DSCAM: variants seen among roughly 807,000 people sequenced by gnomAD.
The protein encoded by DSCAM is DS cell adhesion molecule, also known as cell adhesion molecule DSCAM.
DSCAM carries 47 observed loss-of-function variants against 217.7 expected under a neutral mutation model. That is an observed-to-expected ratio of 0.22 (90% CI 0.17 to 0.28). The LOEUF (loss-of-function observed/expected upper bound fraction) is 0.28, where lower values mean the gene tolerates loss of function less well. DSCAM is among the 10% of genes least tolerant of loss of function. The probability of loss-of-function intolerance (pLI) is 1.00; values close to 1 mark genes in which losing one functional copy is unlikely to be tolerated. For missense variants in DSCAM, 2,080 were observed against 2,618.3 expected, an observed-to-expected ratio of 0.79 and a Z score of 4.49; for synonymous variants, 1,056 against 1,015.3, an observed-to-expected ratio of 1.04 and a Z score of -0.76.
At chr21:40,518,528 T>TACA (rs200999198) in intron 3 of DSCAM, among the ~76,000 whole-genome samples, 1 of 39,100 alleles carries the variant, frequency 2.6e-5, no homozygotes, top group African/African-American at 1.9e-4. Flanking sequence ...AATATATATT[T>TACA]TATATATATA....
At chr21:40,365,660 G>C (rs1196418330) in intron 4 of DSCAM, among the ~76,000 whole-genome samples, 2 of 152,094 alleles carry the variant, frequency 1.3e-5, no homozygotes, top group African/African-American at 4.8e-5. Context: ...TTTCAGAAGA[G>C]TTGCTCATCT....
chr21:40,577,227 C>A (rs2076858542), intron 3 of DSCAM, among the ~76,000 whole-genome samples: 2 of 134,984 alleles, frequency 1.5e-5, no homozygotes, highest in African/African-American at 5.7e-5. Context: ...AAATTATTTA[C>A]TCAAAAGCTT....
intron 9 of DSCAM, among the ~76,000 whole-genome samples, chr21:40,297,863 C>T (rs1180760439): frequency 1.3e-5 from 2 of 152,144 alleles, no homozygotes; most frequent in Non-Finnish European, 2.9e-5. Flanking sequence ...GGCTTGGTGT[C>T]CAGCTTTTCT....
At chr21:40,090,963 T>C (rs1429968310) in intron 21 of DSCAM, among the ~76,000 whole-genome samples, 1 of 152,166 alleles carries the variant, frequency 6.6e-6, no homozygotes, top group African/African-American at 2.4e-5. Flanking sequence ...ATGTGAGAAT[T>C]TGGGTGTTCA....
At chr21:40,747,487 C>A (rs992985397) in intron 1 of DSCAM, among the ~76,000 whole-genome samples, 2 of 151,638 alleles carry the variant, frequency 1.3e-5, no homozygotes, top group Non-Finnish European at 3.0e-5. Context: ...CAGACACAAC[C>A]TAGCAAGATT....
At chr21:40,654,691 T>G (rs2090053786) in intron 3 of DSCAM, among the ~76,000 whole-genome samples, 1 of 152,172 alleles carries the variant, frequency 6.6e-6, no homozygotes, top group Non-Finnish European at 1.5e-5. Flanking sequence ...CAGCAGTGCC[T>G]GGCGGAGTTT....
chr21:40,342,650 T>TATATATATATATATATATATA (rs1569074522), intron 6 of DSCAM, among the ~76,000 whole-genome samples: 6 of 45,490 alleles, frequency 1.3e-4, no homozygotes, highest in East Asian at 4.7e-4. Context: ...ATATATATAT[T>TATATATATATATATATATATA]TTTTTTTTTT....
chr21:40,037,998 C>A (rs1234935422), intron 32 of DSCAM, among the ~76,000 whole-genome samples: 1 of 146,606 alleles, frequency 6.8e-6, no homozygotes, highest in Non-Finnish European at 1.5e-5. Context: ...CTTCCTTACA[C>A]CTTATACAAA....
At chr21:40,327,447 G>C (rs539147783) in intron 8 of DSCAM, among the ~76,000 whole-genome samples, 1 of 152,212 alleles carries the variant, frequency 6.6e-6, no homozygotes, top group South Asian at 2.1e-4. Flanking sequence ...CTTTTTGGTA[G>C]TGTCTTAGGG....
intron 1 of DSCAM, among the ~76,000 whole-genome samples, chr21:40,717,184 A>ACCATGTAT (rs1432752417): frequency 6.6e-6 from 1 of 152,218 alleles, no homozygotes; most frequent in Non-Finnish European, 1.5e-5. Flanking sequence ...TTCAGCACCT[A>ACCATGTAT]CCATGTATCT....
intron 11 of DSCAM, among the ~76,000 whole-genome samples, chr21:40,216,892 G>A (rs544291740): frequency 2.6e-5 from 4 of 152,308 alleles, no homozygotes; most frequent in Admixed American, 2.6e-4. Context: ...TTTCTTGGCC[G>A]AGAATCTCAT....
chr21:40,631,089 A>ATAC (rs1193629049), intron 3 of DSCAM, among the ~76,000 whole-genome samples: 1 of 152,180 alleles, frequency 6.6e-6, no homozygotes, highest in Non-Finnish European at 1.5e-5. Flanking sequence ...TGTAGCAGAA[A>ATAC]TTGTGTATGC....
At chr21:40,603,438 C>T (rs947979539) in intron 3 of DSCAM, among the ~76,000 whole-genome samples, 1 of 152,206 alleles carries the variant, frequency 6.6e-6, no homozygotes, top group Non-Finnish European at 1.5e-5. Context: ...AAGCCCCTAA[C>T]TATAACAGCA....
At chr21:40,542,957 C>A (rs2146136202) in intron 3 of DSCAM, among the ~76,000 whole-genome samples, 1 of 152,254 alleles carries the variant, frequency 6.6e-6, no homozygotes, top group African/African-American at 2.4e-5. Flanking sequence ...TCACCCGGGC[C>A]TCTGCGGTGG....
chr21:40,692,725 A>G (rs1228372701), intron 3 of DSCAM, 85 bp downstream of exon 3: 1 of 1,487,358 alleles, frequency 6.7e-7, no homozygotes, highest in Non-Finnish European at 9.2e-7. Flanking sequence ...TGATGAACAC[A>G]TAAACGGAGA....
chr21:40,786,785 T>C (rs1245245930), intron 1 of DSCAM, among the ~76,000 whole-genome samples: 1 of 152,246 alleles, frequency 6.6e-6, no homozygotes, highest in South Asian at 2.1e-4. Context: ...CACTAATATT[T>C]ATAGTTTAGT....
At chr21:40,436,788 C>A (rs1235372154) in intron 3 of DSCAM, among the ~76,000 whole-genome samples, 7 of 152,172 alleles carry the variant, frequency 4.6e-5, no homozygotes, top group African/African-American at 1.7e-4. Flanking sequence ...AGAGCACAGT[C>A]TTTTGGGATG....
chr21:40,335,538 G>A (rs989808112), intron 8 of DSCAM, among the ~76,000 whole-genome samples: 9 of 152,080 alleles, frequency 5.9e-5, no homozygotes, highest in Admixed American at 2.0e-4. Flanking sequence ...AAGGGCTTTC[G>A]TTTAAATCTA....
intron 8 of DSCAM, among the ~76,000 whole-genome samples, chr21:40,332,472 T>C (rs1324187274): frequency 6.6e-6 from 1 of 152,220 alleles, no homozygotes; most frequent in Non-Finnish European, 1.5e-5. Context: ...TTGTAAACTA[T>C]AAAGTTTTAT....
Sources: gnomAD v4.1 joint callset for allele counts (sites outside exome capture counted in the v4.1 genomes callset) on GRCh38, gnomAD v4.1.1 for gene constraint, MANE v1.5 for transcripts, NCBI Gene and HGNC (gene_info 2026-07-23, HGNC 2026-07-21) for gene names.